Variants in FCRL4 observed in about 807,000 individuals in gnomAD.
FCRL4 encodes Fc receptor like 4.
FCRL4 carries 43 observed loss-of-function variants against 64.1 expected under a neutral mutation model. The observed-to-expected ratio is 0.67, with a 90% CI of 0.53 to 0.87. FCRL4 has a LOEUF of 0.87. Ranked by LOEUF, FCRL4 falls within the 40% of genes least tolerant of loss-of-function variation. The pLI is 0.00. For synonymous variants in FCRL4, 253 were observed against 239.8 expected, an observed-to-expected ratio of 1.05 and a Z score of -0.51; for missense variants, 656 against 613.5, an observed-to-expected ratio of 1.07 and a Z score of -0.73.
At chr1:157,577,829 C>G (rs1407345533) in intron 10 of FCRL4, among the ~76,000 whole-genome samples, 3 of 152,134 alleles carry the variant, frequency 2.0e-5, no homozygotes, top group African/African-American at 7.2e-5. Flanking sequence ...ATACCAGAAG[C>G]TGATGCAGAT....
At chr1:157,580,200 A>G in intron 8 of FCRL4, 121 bp downstream of exon 8, 1 of 1,059,286 alleles carries the variant, frequency 9.4e-7, no homozygotes, top group Non-Finnish European at 1.5e-6. Context: ...TGGAGTGTGA[A>G]AATGGAAGTA....
At chr1:157,579,438 C>G (rs897735208) in intron 8 of FCRL4, among the ~76,000 whole-genome samples, 1 of 151,922 alleles carries the variant, frequency 6.6e-6, no homozygotes. Context: ...TACTGTTGGC[C>G]TGGTGCAGTG....
chr1:157,575,841 C>T lies in FCRL4; in HGVS notation c.1430-111G>A, dbSNP rs1372128061. The T allele has an allele frequency of 1.9e-5, 18 of 928,420 alleles. 1 individual carries two copies. Among genetic ancestry groups the T allele is most frequent in the South Asian group, 1.6e-4 (12 of 76,214 alleles). 57.5% of individuals were successfully genotyped at this position (928,420 alleles called of 1,614,324 possible). A position where few individuals can be genotyped will look rare whatever the true frequency, so the allele number is the denominator to read the frequency against. ...AGCCACTGGGCCCTGTCCACCTCAT[C>T]CCCTCCACCTCATCCCCTAACATGT... On this transcript the variant is annotated intron_variant, in intron 10 of 11. Transcript: ENST00000271532.
chr1:157,591,159 A>G (rs1485310014), intron 2 of FCRL4, among the ~76,000 whole-genome samples: 8 of 152,152 alleles, frequency 5.3e-5, no homozygotes. Context: ...TGAAGGATAG[A>G]TATTTTGTTG....
At chr1:157,596,872 C>T (rs1404777155) in intron 1 of FCRL4, among the ~76,000 whole-genome samples, 1 of 152,132 alleles carries the variant, frequency 6.6e-6, no homozygotes, top group Non-Finnish European at 1.5e-5. Flanking sequence ...ACCTCAGGGA[C>T]AAGACCAACA....
Position 157,595,349 on chromosome 1 carries a change from A to G in FCRL4, c.52+979T>C, listed in dbSNP as rs78481568. 7.5e-3 allele frequency among the ~76,000 whole-genome samples: 1,146 copies of G among 152,366 alleles called. 4 individuals carry two copies. Among genetic ancestry groups the G allele is most frequent in the South Asian group, 0.017 (82 of 4,828 alleles). On this transcript the variant is annotated intron_variant, in intron 2 of 11. Transcript: ENST00000271532. Reference sequence around the variant, plus strand: ...CTGGGAAGCACCTGGATGCAGGGCCATTGGGACTTAGGCAATAGGTCTTCT... The same window carrying G: ...CTGGGAAGCACCTGGATGCAGGGCCGTTGGGACTTAGGCAATAGGTCTTCT...
In FCRL4 at chr1:157,596,395, G is replaced by A. The variant is rs1434176136; in HGVS notation, c.32-47C>T. 5.0e-6 allele frequency: 8 copies of A among 1,611,022 alleles called. No individual in the cohort carries two copies. The East Asian group carries it at 8.9e-5, about 18-fold the overall frequency. ...GCCATCAGCGTAGGCGAAGAGTCCC[G>A]AACTATTCACCCTGAGAGCCCATAC... On this transcript the variant is annotated intron_variant, in intron 1 of 11. Coordinates refer to ENST00000271532, the MANE Select transcript of FCRL4 (RefSeq NM_031282.3).
chr1:157,584,674 A>C (rs981403927), intron 6 of FCRL4, among the ~76,000 whole-genome samples: 17 of 152,082 alleles, frequency 1.1e-4, no homozygotes, highest in African/African-American at 4.1e-4. Context: ...CAGTCTCTTA[A>C]CCTGGTGGGC....
chr1:157,585,351 T>TTTCC (rs1652657375), intron 6 of FCRL4, among the ~76,000 whole-genome samples: 1 of 44,634 alleles, frequency 2.2e-5, no homozygotes, highest in Admixed American at 2.4e-4. Context: ...TCTCTCTTTC[T>TTTCC]TTCTTTCTTT....
intron 2 of FCRL4, among the ~76,000 whole-genome samples, chr1:157,595,113 T>A (rs1345482421): frequency 6.6e-6 from 1 of 152,182 alleles, no homozygotes; most frequent in African/African-American, 2.4e-5. Context: ...TTGTCCAGGC[T>A]GGTCTTGAGC....
At chr1:157,575,813 G>T in intron 10 of FCRL4, 83 bp from the exon 11 acceptor site, 2 of 1,330,260 alleles carry the variant, frequency 1.5e-6, no homozygotes, top group Non-Finnish European at 2.2e-6. Flanking sequence ...CCTAGAGTCT[G>T]AGAGCCACTG....
intron 2 of FCRL4, among the ~76,000 whole-genome samples, chr1:157,594,581 T>G (rs1488577881): frequency 6.6e-6 from 1 of 152,264 alleles, no homozygotes; most frequent in East Asian, 1.9e-4. Flanking sequence ...ATCTCAATTT[T>G]GGGGATTGCT....
At chr1:157,584,827 T>TAAAC (rs1652637276) in intron 6 of FCRL4, among the ~76,000 whole-genome samples, 1 of 152,198 alleles carries the variant, frequency 6.6e-6, no homozygotes, top group South Asian at 2.1e-4. Context: ...TGACTTTGTA[T>TAAAC]AAACAGTGCA....
At chr1:157,590,706 A>C (rs1025227083) in intron 2 of FCRL4, among the ~76,000 whole-genome samples, 1 of 151,828 alleles carries the variant, frequency 6.6e-6, no homozygotes, top group Non-Finnish European at 1.5e-5. Context: ...TTTAGTAGAG[A>C]CAGGGTTTCA....
chr1:157,575,569 T>G lies in FCRL4; in HGVS notation c.1503A>C (p.Pro501=). Residue 501 remains proline, a synonymous_variant, in exon 12 of 12, where the codon CCA becomes CCC. Transcript: ENST00000271532. ...AGCTGATCTTTCCAGCTGAGTTATC[T>G]GGGTGTTGTGTCTTTACCTCAGAGT... ...VVYSEVKTQH[P]DNSAGKISSK... 6.2e-7 allele frequency: 1 copy of G among 1,614,044 alleles called. No individual in the cohort carries two copies. The highest frequency in any genetic ancestry group is 8.5e-7 in the Non-Finnish European group (1 of 1,179,906).
At chr1:157,589,982 A>G (rs1293312901) in intron 2 of FCRL4, among the ~76,000 whole-genome samples, 2 of 152,218 alleles carry the variant, frequency 1.3e-5, no homozygotes, top group African/African-American at 2.4e-5. Context: ...TTATAAGTAA[A>G]AAAGGAAGTT....
intron 6 of FCRL4, 128 bp downstream of exon 6, chr1:157,586,040 T>C (rs547528528): frequency 2.2e-6 from 2 of 910,236 alleles, no homozygotes; most frequent in East Asian, 5.0e-5. Flanking sequence ...AAGAAATTGT[T>C]TATCACAGTG....
intron 2 of FCRL4, among the ~76,000 whole-genome samples, chr1:157,589,974 A>C (rs541917655): frequency 1.3e-5 from 2 of 152,250 alleles, no homozygotes; most frequent in East Asian, 3.8e-4. Context: ...GTTTTCCTTT[A>C]TAAGTAAAAA....
chr1:157,587,806 A>C (rs777947584), intron 4 of FCRL4, 59 bp downstream of exon 4: 44 of 1,490,000 alleles, frequency 3.0e-5, no homozygotes, highest in Non-Finnish European at 3.9e-5. Flanking sequence ...CTTTCCTTAC[A>C]TGCTCAGTTT....
Sources: allele counts gnomAD v4.1 joint callset (sites outside exome capture counted in the v4.1 genomes callset), GRCh38; gene constraint gnomAD v4.1.1; transcripts MANE v1.5; gene names NCBI Gene and HGNC (gene_info 2026-07-23, HGNC 2026-07-21).